PPP2R2B: variants seen among roughly 807,000 people sequenced by gnomAD.
PPP2R2B encodes protein phosphatase 2 regulatory subunit Bbeta, also known as serine/threonine-protein phosphatase 2A 55 kDa regulatory subunit B beta isoform.
PPP2R2B carries 5 observed loss-of-function variants against 46.0 expected under a neutral mutation model. The ratio of observed to expected loss-of-function variants is 0.11; its 90% CI spans 0.06 to 0.23. The LOEUF (loss-of-function observed/expected upper bound fraction) is 0.23. Ranked by LOEUF, PPP2R2B falls within the 10% of genes least tolerant of loss-of-function variation. PPP2R2B has a pLI of 1.00. For missense variants in PPP2R2B, 367 were observed against 575.0 expected (o/e 0.64, Z 3.70); for synonymous variants, 215 against 206.7 (o/e 1.04, Z -0.34).
Position 146,867,638 on chromosome 5 carries a change from C to T in PPP2R2B, c.70+10364G>A, listed in dbSNP as rs2151404110. Among the ~76,000 whole-genome samples, 4 of 152,248 alleles carry T rather than the reference C, an allele frequency of 2.6e-5. No individual in the cohort carries two copies. The South Asian group carries it at 8.3e-4, about 32-fold the overall frequency. ...AGCATAGCCAGAGGTGTGTCTAGAG[C>T]CAGGTGGGCTCTGATTCCACCACTT... On this transcript the variant is annotated intron_variant, in intron 2 of 9. Transcript: ENST00000394411.
chr5:146,876,409 A>G (rs1761900080), intron 2 of PPP2R2B, among the ~76,000 whole-genome samples: 1 of 145,346 alleles, frequency 6.9e-6, no homozygotes, highest in South Asian at 2.3e-4. Flanking sequence ...AGAAAACATG[A>G]AGGCAGCTCT....
At chr5:146,598,896 A>G (rs554884369) in intron 8 of PPP2R2B, among the ~76,000 whole-genome samples, 1 of 152,274 alleles carries the variant, frequency 6.6e-6, no homozygotes, top group Non-Finnish European at 1.5e-5. Context: ...AATGATGAAA[A>G]TGATCTGGAA....
chr5:146,632,751 C>T (rs1400121634), intron 7 of PPP2R2B, among the ~76,000 whole-genome samples: 1 of 152,062 alleles, frequency 6.6e-6, no homozygotes, highest in East Asian at 1.9e-4. Flanking sequence ...CTTAAAAAGT[C>T]AGTACAGGCC....
rs79789134 is a variant in PPP2R2B, at chr5:146,668,865, A to C, written c.448-18141T>G. Among the ~76,000 whole-genome samples the C allele has an allele frequency of 7.1e-3, 1,080 of 152,328 alleles. 15 individuals are homozygous for C. Among genetic ancestry groups the C allele is most frequent in the African/African-American group, 0.025 (1,036 of 41,572 alleles). Reference sequence around the variant, plus strand: ...AACTGCATTGCCATAGAATGGAAGGAAGCAGGGCACGGGTGGCATGGACAG... The same window carrying C: ...AACTGCATTGCCATAGAATGGAAGGCAGCAGGGCACGGGTGGCATGGACAG... On this transcript the variant is annotated intron_variant, in intron 5 of 9. Transcript: ENST00000394411.
At chr5:146,914,488 T>C (rs558227568) in intron 1 of PPP2R2B, 1 of 152,330 alleles carries the variant, frequency 6.6e-6, no homozygotes, top group African/African-American at 2.4e-5. Flanking sequence ...CTGGGCACCA[T>C]TCTAATCTCT....
intron 2 of PPP2R2B, among the ~76,000 whole-genome samples, chr5:146,857,153 G>T (rs1049424017): frequency 6.6e-6 from 1 of 152,124 alleles, no homozygotes; most frequent in Non-Finnish European, 1.5e-5. Context: ...GGGTGAAAGA[G>T]AATGCTCTGG....
intron 2 of PPP2R2B, among the ~76,000 whole-genome samples, chr5:146,776,794 C>T (rs1755209319): frequency 6.6e-6 from 1 of 151,864 alleles, no homozygotes; most frequent in African/African-American, 2.4e-5. Context: ...TCTTATAACT[C>T]AGCAACAAAA....
chr5:146,941,349 A>C (rs745816423), intron 1 of PPP2R2B, among the ~76,000 whole-genome samples: 2 of 152,216 alleles, frequency 1.3e-5, no homozygotes, highest in African/African-American at 2.4e-5. Flanking sequence ...TTATAGTCAC[A>C]TTTAATATGG....
chr5:146,982,917 C>A (rs1382319986), intron 1 of PPP2R2B, among the ~76,000 whole-genome samples: 1 of 151,888 alleles, frequency 6.6e-6, no homozygotes, highest in African/African-American at 2.4e-5. Context: ...TGTCTATATT[C>A]TTATATTTGA....
At chr5:147,034,696 C>A (rs1290666782) in intron 1 of PPP2R2B, among the ~76,000 whole-genome samples, 2 of 151,836 alleles carry the variant, frequency 1.3e-5, no homozygotes, top group African/African-American at 4.8e-5. Context: ...TCTTTTATTC[C>A]TGTCAATGTG....
At chr5:146,657,224 C>T (rs1170905031) in intron 5 of PPP2R2B, among the ~76,000 whole-genome samples, 1 of 152,100 alleles carries the variant, frequency 6.6e-6, no homozygotes, top group African/African-American at 2.4e-5. Flanking sequence ...CCTCAATGCG[C>T]CTTCATGAGA....
intron 2 of PPP2R2B, among the ~76,000 whole-genome samples, chr5:146,809,503 A>G (rs1757392531): frequency 1.3e-5 from 2 of 152,076 alleles, no homozygotes; most frequent in South Asian, 4.1e-4. Context: ...AAAATAAGGC[A>G]CTATGGTAGC....
At chr5:146,755,656 C>T (rs1753790111) in intron 2 of PPP2R2B, among the ~76,000 whole-genome samples, 1 of 152,182 alleles carries the variant, frequency 6.6e-6, no homozygotes. Flanking sequence ...TATATTAATG[C>T]ACTGTGGTTT....
chr5:146,650,596 A>G lies in PPP2R2B; in HGVS notation c.576T>C (p.Asp192=), dbSNP rs781606556. The part of the protein sequence containing the change: ...NSDYETYMSA[D]DLRINLWNFE... Reference sequence around the variant, plus strand: ...AGTTCCATAGGTTAATCCTCAGGTCATCAGCGGACATGTAGGTTTCATAGT... The same window carrying G: ...AGTTCCATAGGTTAATCCTCAGGTCGTCAGCGGACATGTAGGTTTCATAGT... The change falls in exon 6 of 10, where the codon GAT becomes GAC. Residue 192 remains aspartate (D), a synonymous_variant. Transcript: ENST00000394411. 1.9e-6 allele frequency: 3 copies of G among 1,614,046 alleles called. No homozygotes were observed. The highest frequency in any genetic ancestry group is 3.3e-5 in the Admixed American group (2 of 60,012).
intron 2 of PPP2R2B, among the ~76,000 whole-genome samples, chr5:146,865,180 T>C (rs1761234628): frequency 6.6e-6 from 1 of 152,124 alleles, no homozygotes; most frequent in Admixed American, 6.5e-5. Context: ...TAGAATATCA[T>C]AGAAAAATGC....
intron 2 of PPP2R2B, among the ~76,000 whole-genome samples, chr5:146,828,593 G>C (rs541097704): frequency 1.3e-5 from 2 of 152,202 alleles, no homozygotes; most frequent in Non-Finnish European, 2.9e-5. Flanking sequence ...AGAGCTAAGA[G>C]GCCCAAGGCT....
intron 2 of PPP2R2B, among the ~76,000 whole-genome samples, chr5:146,810,225 C>A (rs1007930528): frequency 1.3e-5 from 2 of 152,096 alleles, no homozygotes; most frequent in Non-Finnish European, 2.9e-5. Context: ...ATTTACAAAA[C>A]AAAGAGGCTT....
At chr5:146,615,349 T>C (rs1581716926) in intron 7 of PPP2R2B, among the ~76,000 whole-genome samples, 1 of 74,224 alleles carries the variant, frequency 1.3e-5, no homozygotes, top group Admixed American at 1.5e-4. Context: ...CTGGGGACTG[T>C]GGTGGGGTCG....
chr5:146,840,205 C>T (rs987214532), intron 2 of PPP2R2B, among the ~76,000 whole-genome samples: 1 of 152,192 alleles, frequency 6.6e-6, no homozygotes, highest in Non-Finnish European at 1.5e-5. Flanking sequence ...TTGTCAATTG[C>T]TGCCTGATTG....
Sources: allele counts gnomAD v4.1 joint callset (sites outside exome capture counted in the v4.1 genomes callset), GRCh38; gene constraint gnomAD v4.1.1; transcripts MANE v1.5; gene names NCBI Gene and HGNC (gene_info 2026-07-23, HGNC 2026-07-21).